The following ACVR1 variants were observed in gnomAD, a reference collection of about 807,000 sequenced individuals.
ACVR1 encodes the protein activin receptor type-1.
In ACVR1, 38 loss-of-function variants were observed where a neutral mutation model predicts 57.1. The ratio of observed to expected loss-of-function variants is 0.67; its 90% CI spans 0.51 to 0.87. The LOEUF (loss-of-function observed/expected upper bound fraction) is 0.87. ACVR1 is among the 40% of genes least tolerant of loss of function. The probability of loss-of-function intolerance (pLI) is 0.00; values close to 1 mark genes in which losing one functional copy is unlikely to be tolerated. For missense variants in ACVR1, 463 were observed against 638.2 expected (o/e 0.73, Z 2.96); for synonymous variants, 212 against 228.1 (o/e 0.93, Z 0.63).
intron 2 of ACVR1, among the ~76,000 whole-genome samples, chr2:157,817,138 T>C (rs910135129): frequency 1.3e-5 from 2 of 152,024 alleles, no homozygotes; most frequent in African/African-American, 2.4e-5. Context: ...TTTTTTTTTC[T>C]TTTTTGTAGA....
intron 7 of ACVR1, among the ~76,000 whole-genome samples, chr2:157,769,972 G>A (rs1686014253): frequency 1.3e-5 from 2 of 152,198 alleles, no homozygotes; most frequent in Admixed American, 1.3e-4. Context: ...ATATCCCTGG[G>A]AGCTGTGAAT....
intron 9 of ACVR1, among the ~76,000 whole-genome samples, chr2:157,754,210 A>G (rs1040971990): frequency 2.0e-4 from 31 of 152,212 alleles, no homozygotes; most frequent in African/African-American, 7.2e-4. Flanking sequence ...AACTAGAGAA[A>G]TAAGAATAAA....
At chr2:157,756,840 T>C (rs998408930) in intron 9 of ACVR1, among the ~76,000 whole-genome samples, 40 of 151,682 alleles carry the variant, frequency 2.6e-4, no homozygotes, top group African/African-American at 9.2e-4. Flanking sequence ...ACGAAGAAGA[T>C]ACTTGTACAC....
chr2:157,746,696 T>G (rs919966321), intron 9 of ACVR1, among the ~76,000 whole-genome samples: 1 of 152,274 alleles, frequency 6.6e-6, no homozygotes, highest in Non-Finnish European at 1.5e-5. Flanking sequence ...AATCTGTGTC[T>G]TCAGTACTCT....
At chr2:157,860,556 T>C (rs1186793220) in intron 1 of ACVR1, among the ~76,000 whole-genome samples, 1 of 152,252 alleles carries the variant, frequency 6.6e-6, no homozygotes, top group African/African-American at 2.4e-5. Context: ...TTTACTATGA[T>C]ACTTTACATT....
At chr2:157,826,974 A>C (rs1157797363) in intron 1 of ACVR1, among the ~76,000 whole-genome samples, 2 of 151,838 alleles carry the variant, frequency 1.3e-5, no homozygotes, top group Admixed American at 1.3e-4. Flanking sequence ...AGAAAAAAAA[A>C]CAAAAAGCAT....
At chr2:157,751,070 T>C (rs772039170) in intron 9 of ACVR1, among the ~76,000 whole-genome samples, 3 of 152,114 alleles carry the variant, frequency 2.0e-5, no homozygotes, top group Non-Finnish European at 4.4e-5. Flanking sequence ...AACGGACCCT[T>C]TGAAGGAAGT....
intron 1 of ACVR1, among the ~76,000 whole-genome samples, chr2:157,841,918 T>C (rs528505375): frequency 1.3e-5 from 2 of 150,062 alleles, no homozygotes; most frequent in African/African-American, 4.9e-5. Flanking sequence ...GGTCAGCTAC[T>C]TGGGAGGGTG....
intron 1 of ACVR1, among the ~76,000 whole-genome samples, chr2:157,825,927 C>T (rs1688330414): frequency 6.6e-6 from 1 of 152,298 alleles, no homozygotes; most frequent in African/African-American, 2.4e-5. Flanking sequence ...GTAATTAGAT[C>T]GCCTTTCTGT....
At chr2:157,798,538 G>A (rs1574078108) in intron 3 of ACVR1, among the ~76,000 whole-genome samples, 1 of 112,964 alleles carries the variant, frequency 8.9e-6, no homozygotes, top group South Asian at 3.5e-4. Flanking sequence ...GGTGGGGGGT[G>A]GGGGTTTGAG....
chr2:157,802,240 G>A (rs1687351821), intron 2 of ACVR1, among the ~76,000 whole-genome samples: 1 of 152,074 alleles, frequency 6.6e-6, no homozygotes, highest in African/African-American at 2.4e-5. Flanking sequence ...CACAGATAGG[G>A]TAATATTTAA....
chr2:157,819,973 G>A (rs944766561), intron 1 of ACVR1, among the ~76,000 whole-genome samples: 1 of 151,940 alleles, frequency 6.6e-6, no homozygotes, highest in Non-Finnish European at 1.5e-5. Context: ...AAACCTTCAC[G>A]TAAATAAATC....
intron 1 of ACVR1, among the ~76,000 whole-genome samples, chr2:157,865,664 T>C (rs1426271007): frequency 1.3e-5 from 2 of 151,692 alleles, no homozygotes; most frequent in East Asian, 3.9e-4. Flanking sequence ...TGGTGGCGCA[T>C]GCTTGTAATC....
intron 1 of ACVR1, among the ~76,000 whole-genome samples, chr2:157,843,961 C>A (rs866109413): frequency 6.6e-6 from 1 of 152,122 alleles, no homozygotes; most frequent in Non-Finnish European, 1.5e-5. Flanking sequence ...AGGAGCTATT[C>A]GCAGATAATC....
chr2:157,835,746 T>C (rs1047363238), intron 1 of ACVR1, among the ~76,000 whole-genome samples: 20 of 152,174 alleles, frequency 1.3e-4, no homozygotes, highest in Admixed American at 9.8e-4. Flanking sequence ...AAACCAGTGG[T>C]TGAAAACAAG....
intron 3 of ACVR1, among the ~76,000 whole-genome samples, chr2:157,782,726 G>A (rs909418664): frequency 1.3e-5 from 2 of 152,134 alleles, no homozygotes; most frequent in African/African-American, 4.8e-5. Flanking sequence ...GAGAGTTCAT[G>A]GTGTCAGACT....
At chr2:157,741,539 C>T (rs957020890) in intron 9 of ACVR1, among the ~76,000 whole-genome samples, 1 of 151,334 alleles carries the variant, frequency 6.6e-6, no homozygotes, top group African/African-American at 2.4e-5. Context: ...GCAGGAGAAT[C>T]GCCTGAACCC....
At position 157,853,916 on chromosome 2, in the gene ACVR1, T is replaced by C. The variant is rs1574150034; in HGVS notation, c.-183+21880A>G. ...TTATTCTTCAAGTCCTCACTTAATA[T>C]CTTCCAGGGTCAGAAGCTTCCCTAC... is the stretch of plus-strand genomic sequence containing the variant. On this transcript the variant is annotated intron_variant, in intron 1 of 10. Transcript: ENST00000434821. Among the ~76,000 whole-genome samples the C allele has an allele frequency of 2.0e-5, 3 of 152,320 alleles. No homozygotes were observed. The South Asian group carries it at 6.2e-4, about 32-fold the overall frequency.
chr2:157,833,238 A>C (rs1289280420), intron 1 of ACVR1, among the ~76,000 whole-genome samples: 1 of 152,174 alleles, frequency 6.6e-6, no homozygotes, highest in Non-Finnish European at 1.5e-5. Flanking sequence ...TCCATACTGC[A>C]CAGGTTGGCT....
Sources: allele counts gnomAD v4.1 joint callset (sites outside exome capture counted in the v4.1 genomes callset), GRCh38; gene constraint gnomAD v4.1.1; transcripts MANE v1.5; gene names NCBI Gene and HGNC (gene_info 2026-07-23, HGNC 2026-07-21).